Variants in CPED1 observed in about 807,000 individuals in gnomAD.
CPED1 encodes the protein cadherin-like and PC-esterase domain-containing protein 1.
Under a neutral mutation model 128.2 loss-of-function variants are expected in CPED1, and 114 were observed. The observed-to-expected ratio is 0.89, with a 90% CI of 0.76 to 1.04. The LOEUF (loss-of-function observed/expected upper bound fraction) is 1.04, where lower values mean the gene tolerates loss of function less well. Among genes scored for constraint, CPED1 ranks in the 50% least tolerant of loss-of-function variants. The pLI is 0.00. For synonymous variants in CPED1, 462 were observed against 426.7 expected (o/e 1.08, Z -1.02); for missense variants, 1,211 against 1,207.1 (o/e 1.00, Z -0.05).
At chr7:121,036,556 C>T (rs940830345) in intron 3 of CPED1, among the ~76,000 whole-genome samples, 37 of 147,414 alleles carry the variant, frequency 2.5e-4, no homozygotes, top group Admixed American at 5.5e-4. Flanking sequence ...GCATTTGGGG[C>T]TGGTTCTACA....
intron 5 of CPED1, among the ~76,000 whole-genome samples, chr7:121,079,294 A>T (rs1794220228): frequency 6.6e-6 from 1 of 152,240 alleles, no homozygotes; most frequent in Non-Finnish European, 1.5e-5. Context: ...AGAAAGAGAC[A>T]CTGGACAAAA....
At chr7:121,209,608 C>T (rs1368446218) in intron 16 of CPED1, among the ~76,000 whole-genome samples, 1 of 151,870 alleles carries the variant, frequency 6.6e-6, no homozygotes, top group African/African-American at 2.4e-5. Flanking sequence ...GTCAAATCAA[C>T]ATGAATTAAA....
intron 17 of CPED1, among the ~76,000 whole-genome samples, chr7:121,239,541 TA>T (rs970005022): frequency 8.5e-5 from 13 of 152,276 alleles, no homozygotes; most frequent in Admixed American, 2.6e-4. Flanking sequence ...GTAAACAATT[TA>T]AAAAAATTTA....
At chr7:121,241,321 C>A (rs1798387025) in intron 17 of CPED1, among the ~76,000 whole-genome samples, 1 of 31,766 alleles carries the variant, frequency 3.1e-5, no homozygotes. Context: ...GCACTCCAGC[C>A]TGGGCGACAG....
intron 2 of CPED1, among the ~76,000 whole-genome samples, chr7:121,008,502 A>T (rs1422014661): frequency 6.6e-6 from 1 of 152,188 alleles, no homozygotes; most frequent in African/African-American, 2.4e-5. Flanking sequence ...AGATAGGAAG[A>T]TAAATTACTG....
At chr7:121,139,450 G>T (rs1411834992) in intron 14 of CPED1, among the ~76,000 whole-genome samples, 1 of 151,292 alleles carries the variant, frequency 6.6e-6, no homozygotes, top group Non-Finnish European at 1.5e-5. Context: ...CAGAGACCTA[G>T]TCCCCAGAAC....
chr7:121,266,822 A>G lies in CPED1; in HGVS notation c.2633+14A>G, dbSNP rs1446463851. ...AGTTTTGAAGAGGTAAATGTCTGCA[A>G]CAATAATTGTCATTAGTATTCTAAG... On this transcript the variant is annotated intron_variant, in intron 20 of 22. Transcript: ENST00000310396. 6.4e-7 allele frequency: 1 copy of G among 1,567,102 alleles called. No individual in the cohort carries two copies. Among genetic ancestry groups the G allele is most frequent in the Admixed American group, 1.7e-5 (1 of 59,800 alleles).
At chr7:121,168,165 C>G (rs1052445346) in intron 16 of CPED1, among the ~76,000 whole-genome samples, 4 of 152,190 alleles carry the variant, frequency 2.6e-5, no homozygotes, top group Non-Finnish European at 5.9e-5. Flanking sequence ...GCGGGAGGCT[C>G]TCTTACTGGT....
chr7:121,166,029 G>T (rs997024459), intron 16 of CPED1, among the ~76,000 whole-genome samples: 2 of 151,998 alleles, frequency 1.3e-5, no homozygotes, highest in African/African-American at 4.8e-5. Flanking sequence ...TATTGAATCA[G>T]TTTAATATAT....
intron 16 of CPED1, among the ~76,000 whole-genome samples, chr7:121,160,106 G>GTT (rs11418465): frequency 8.6e-4 from 129 of 150,868 alleles, no homozygotes; most frequent in Middle Eastern, 6.8e-3. Context: ...TCACCAAATT[G>GTT]TTTTTTTTTA....
intron 16 of CPED1, among the ~76,000 whole-genome samples, chr7:121,201,442 AAGAG>A (rs1382406932): frequency 1.5e-5 from 2 of 131,382 alleles, no homozygotes; most frequent in East Asian, 2.7e-4. Flanking sequence ...TCAAGAAAGA[AAGAG>A]AAAGAGAGAA....
At chr7:121,278,547 C>G (rs1477948316) in intron 22 of CPED1, among the ~76,000 whole-genome samples, 4 of 152,178 alleles carry the variant, frequency 2.6e-5, no homozygotes, top group Non-Finnish European at 5.9e-5. Flanking sequence ...GATTCCTACA[C>G]TCCTTTTTTA....
At chr7:121,236,691 T>G in intron 16 of CPED1, 23 bp from the exon 17 acceptor site, 1 of 1,385,596 alleles carries the variant, frequency 7.2e-7, no homozygotes, top group Non-Finnish European at 1.0e-6. Context: ...ATACAACAAC[T>G]AATATCTATT....
At chr7:121,294,234 A>G (rs549965690) in intron 22 of CPED1, among the ~76,000 whole-genome samples, 2 of 152,322 alleles carry the variant, frequency 1.3e-5, no homozygotes, top group Admixed American at 1.3e-4. Flanking sequence ...ATATATATTC[A>G]TAAAGTAACC....
At chr7:121,076,728 C>T (rs1029737491) in intron 5 of CPED1, 2 of 152,128 alleles carry the variant, frequency 1.3e-5, no homozygotes, top group African/African-American at 4.8e-5. Flanking sequence ...TGTCTTCATC[C>T]TAATGGTTCT....
At chr7:121,059,993 G>A (rs1793610955) in intron 4 of CPED1, among the ~76,000 whole-genome samples, 1 of 152,194 alleles carries the variant, frequency 6.6e-6, no homozygotes, top group African/African-American at 2.4e-5. Flanking sequence ...GCGGGAACCC[G>A]GGCTGCGCGC....
At chr7:121,271,991 A>T (rs975057607) in intron 22 of CPED1, among the ~76,000 whole-genome samples, 1 of 152,090 alleles carries the variant, frequency 6.6e-6, no homozygotes, top group African/African-American at 2.4e-5. Flanking sequence ...TGTCCTTTTG[A>T]ACCTTCTGTG....
chr7:121,058,084 G>A (rs1294614204), intron 4 of CPED1, among the ~76,000 whole-genome samples: 1 of 152,116 alleles, frequency 6.6e-6, no homozygotes, highest in Non-Finnish European at 1.5e-5. Flanking sequence ...AACGTAAGGA[G>A]TTCCATGTGA....
At chr7:121,226,700 A>T (rs1373097226) in intron 16 of CPED1, among the ~76,000 whole-genome samples, 1 of 152,146 alleles carries the variant, frequency 6.6e-6, no homozygotes, top group African/African-American at 2.4e-5. Context: ...CTCTCTTAAT[A>T]TTAATTTACA....
Sources: allele counts gnomAD v4.1 joint callset (sites outside exome capture counted in the v4.1 genomes callset), GRCh38; gene constraint gnomAD v4.1.1; transcripts MANE v1.5; gene names NCBI Gene and HGNC (gene_info 2026-07-23, HGNC 2026-07-21).